The following GNA12 variants were observed in gnomAD, a reference collection of about 807,000 sequenced individuals.
The protein encoded by GNA12 is G protein subunit alpha 12, also known as guanine nucleotide-binding protein subunit alpha-12.
In GNA12, 9 loss-of-function variants were observed where a neutral mutation model predicts 26.0. The ratio of observed to expected loss-of-function variants is 0.35; its 90% confidence interval spans 0.21 to 0.60. The LOEUF is 0.60. GNA12 is among the 20% of genes least tolerant of loss of function. GNA12 has a pLI of 0.78. For missense variants in GNA12, 405 were observed against 525.8 expected, an observed-to-expected ratio of 0.77 and a Z score of 2.25; for synonymous variants, 264 against 219.6, an observed-to-expected ratio of 1.20 and a Z score of -1.79.
chr7:2,825,076 A>C lies in GNA12; in HGVS notation c.309+18777T>G, dbSNP rs1793453544. Among the ~76,000 whole-genome samples, 3 of 152,324 alleles carry C rather than the reference A, an allele frequency of 2.0e-5. No homozygotes were observed. In the South Asian group the frequency reaches 6.2e-4, roughly 32 times the overall value. ...TACCCAAGACTCCATGACCATCTCT[A>C]AACATCAGACTGCCACCAAAAGACA... On this transcript the variant is annotated intron_variant, in intron 1 of 3. Transcript: ENST00000275364.
intron 2 of GNA12, among the ~76,000 whole-genome samples, chr7:2,753,352 T>C (rs1264474456): frequency 6.6e-6 from 1 of 152,118 alleles, no homozygotes; most frequent in African/African-American, 2.4e-5. Flanking sequence ...GATCTTGCTA[T>C]GTTGTCCAGG....
intron 1 of GNA12, among the ~76,000 whole-genome samples, chr7:2,831,805 G>A (rs1331286390): frequency 2.6e-5 from 4 of 152,150 alleles, no homozygotes; most frequent in Admixed American, 1.3e-4. Flanking sequence ...AACTGAGCAT[G>A]AGTGGAAAAC....
At chr7:2,840,753 G>A (rs1029521716) in intron 1 of GNA12, among the ~76,000 whole-genome samples, 13 of 152,156 alleles carry the variant, frequency 8.5e-5, no homozygotes, top group African/African-American at 3.1e-4. Context: ...GGGAGGCTGA[G>A]GTGGGAGGAT....
chr7:2,810,365 C>A (rs567029835), intron 1 of GNA12, among the ~76,000 whole-genome samples: 1 of 152,148 alleles, frequency 6.6e-6, no homozygotes, highest in East Asian at 1.9e-4. Flanking sequence ...CTCATCACTC[C>A]CCAAAGGCCC....
At chr7:2,749,796 G>C (rs2115356789) in intron 2 of GNA12, among the ~76,000 whole-genome samples, 1 of 152,140 alleles carries the variant, frequency 6.6e-6, no homozygotes, top group South Asian at 2.1e-4. Context: ...TAAGAGACTG[G>C]GGATGAGAGA....
At position 2,787,477 on chromosome 7, in the gene GNA12, G is replaced by A. The variant is rs866858927; in HGVS notation, c.525+7451C>T. Among the ~76,000 whole-genome samples, 8 of 152,176 alleles carry A rather than the reference G, an allele frequency of 5.3e-5. No homozygotes were observed. In the South Asian group the frequency reaches 6.2e-4, roughly 12 times the overall value. On this transcript the variant is annotated intron_variant, in intron 2 of 3. Coordinates refer to ENST00000275364, the MANE Select transcript of GNA12 (RefSeq NM_007353.3). ...GCCTCCCTGCTGCACTCTGGAGCAC[G>A]AAGCCTGCTCCCGCCTAGGGGCCTC... is the stretch of plus-strand genomic sequence containing the variant.
intron 1 of GNA12, among the ~76,000 whole-genome samples, chr7:2,800,788 G>T (rs1792791345): frequency 6.6e-6 from 1 of 152,022 alleles, no homozygotes; most frequent in Admixed American, 6.6e-5. Context: ...CTACCTAGAG[G>T]GAAAATGTGA....
At chr7:2,735,308 G>A (rs1790112209) in intron 2 of GNA12, among the ~76,000 whole-genome samples, 1 of 152,172 alleles carries the variant, frequency 6.6e-6, no homozygotes, top group Non-Finnish European at 1.5e-5. Context: ...AGCCACCCTT[G>A]CCCGTTTCTA....
At chr7:2,788,564 A>C (rs1792425737) in intron 2 of GNA12, among the ~76,000 whole-genome samples, 1 of 152,248 alleles carries the variant, frequency 6.6e-6, no homozygotes, top group Non-Finnish European at 1.5e-5. Flanking sequence ...AACAATAAGT[A>C]GTTCCACTTA....
chr7:2,801,198 C>A (rs542989818), intron 1 of GNA12, among the ~76,000 whole-genome samples: 9 of 152,152 alleles, frequency 5.9e-5, no homozygotes, highest in African/African-American at 1.9e-4. Flanking sequence ...AGGCCCTGCT[C>A]GTCCAACTCA....
chr7:2,757,927 C>CA (rs1032733803), intron 2 of GNA12, among the ~76,000 whole-genome samples: 17 of 152,168 alleles, frequency 1.1e-4, no homozygotes, highest in Non-Finnish European at 1.8e-4. Flanking sequence ...GCTGTCCCCA[C>CA]ATCAGAATAG....
intron 2 of GNA12, among the ~76,000 whole-genome samples, chr7:2,776,098 A>T (rs2115428244): frequency 6.6e-6 from 1 of 152,232 alleles, no homozygotes; most frequent in African/African-American, 2.4e-5. Context: ...TCCAGGTTAG[A>T]CCGCTCATTG....
At chr7:2,836,391 A>G (rs755493115) in intron 1 of GNA12, among the ~76,000 whole-genome samples, 16 of 152,240 alleles carry the variant, frequency 1.1e-4, no homozygotes, top group Non-Finnish European at 5.9e-5. Context: ...GCAGGTGGAA[A>G]GAAGGCGGCA....
chr7:2,830,491 T>A (rs572290681), intron 1 of GNA12, among the ~76,000 whole-genome samples: 6 of 151,974 alleles, frequency 3.9e-5, no homozygotes, highest in Admixed American at 6.6e-5. Flanking sequence ...ATGTCCCCTG[T>A]GGGGAGGGCG....
chr7:2,754,434 T>C (rs1328898360), intron 2 of GNA12, among the ~76,000 whole-genome samples: 1 of 152,142 alleles, frequency 6.6e-6, no homozygotes, highest in Admixed American at 6.5e-5. Flanking sequence ...GTAGCTTGTC[T>C]TTTCATCCTC....
intron 2 of GNA12, among the ~76,000 whole-genome samples, chr7:2,774,356 G>A (rs1264323754): frequency 6.6e-6 from 1 of 152,162 alleles, no homozygotes; most frequent in Non-Finnish European, 1.5e-5. Context: ...GGTGGGTGCG[G>A]TTTTGACTTT....
intron 1 of GNA12, among the ~76,000 whole-genome samples, chr7:2,826,846 T>C (rs1009451208): frequency 2.6e-5 from 4 of 152,184 alleles, no homozygotes; most frequent in African/African-American, 9.7e-5. Context: ...GAAACTATTT[T>C]GAATGATGCC....
Position 2,776,135 on chromosome 7 carries a change from A to G in GNA12, c.525+18793T>C, listed in dbSNP as rs2283780. 2.6e-3 allele frequency among the ~76,000 whole-genome samples: 389 copies of G among 152,262 alleles called. 5 individuals carry two copies. In the East Asian group the frequency reaches 0.049, roughly 19 times the overall value. The stretch of plus-strand genomic sequence containing the variant: ...AGCCTCAACCTCCTGGGCTTCAGCA[A>G]TCCTTGCTCAGGCTGGTCTCTAACT... On this transcript the variant is annotated intron_variant, in intron 2 of 3. Coordinates refer to ENST00000275364, the MANE Select transcript of GNA12 (RefSeq NM_007353.3).
intron 1 of GNA12, among the ~76,000 whole-genome samples, chr7:2,815,438 G>C (rs776402380): frequency 4.6e-5 from 7 of 152,314 alleles, no homozygotes; most frequent in Middle Eastern, 3.4e-3. Context: ...GCGTGTAGGA[G>C]AGATGACTCA....
Sources: allele counts gnomAD v4.1 joint callset (sites outside exome capture counted in the v4.1 genomes callset), GRCh38; gene constraint gnomAD v4.1.1; transcripts MANE v1.5; gene names NCBI Gene and HGNC (gene_info 2026-07-23, HGNC 2026-07-21).